RYR1: variants seen among roughly 807,000 people sequenced by gnomAD.
RYR1 encodes the protein central core disease of muscle.
Under a neutral mutation model 583.5 loss-of-function variants are expected in RYR1, and 342 were observed. That is an observed-to-expected ratio of 0.59 (90% confidence interval 0.54 to 0.64). The LOEUF is 0.64. RYR1 is among the 30% of genes least tolerant of loss of function. RYR1 has a pLI of 0.00. For synonymous variants in RYR1, 2,791 were observed against 2,822.5 expected (o/e 0.99, Z 0.35); for missense variants, 6,032 against 6,917.2 (o/e 0.87, Z 4.54).
rs1310955101 is a variant in RYR1, at chr19:38,473,722, A to T, written c.4111A>T (p.Arg1371Trp). 2.6e-6 allele frequency: 4 copies of T among 1,546,370 alleles called. No homozygotes were observed. The Admixed American group carries it at 8.0e-5, about 31-fold the overall frequency. Reference sequence around the variant, plus strand: ...GGCGGGGGGAGAGGCGCAGCCCGCCAGGGCGGAGAATGAGAAGGATGCCAC... The same window carrying T: ...GGCGGGGGGAGAGGCGCAGCCCGCCTGGGCGGAGAATGAGAAGGATGCCAC... ...PQAGGEAQPA[R>W]AENEKDATTE... Residue 1371 changes from arginine (R) to tryptophan (W), a missense_variant, in exon 28 of 106, where the codon AGG (arginine) becomes TGG (tryptophan). Physicochemically the swap from Arg to Trp is moderately radical, Grantham distance 101. This residue lies in a region of RYR1 where 2,627 missense variants were observed against 2,961.3 expected (regional missense o/e 0.89). Coordinates refer to ENST00000359596, the MANE Select transcript of RYR1 (RefSeq NM_000540.3).
intron 42 of RYR1, among the ~76,000 whole-genome samples, chr19:38,498,502 T>C (rs1046893897): frequency 5.3e-5 from 8 of 151,976 alleles, no homozygotes; most frequent in African/African-American, 1.5e-4. Context: ...GGCAACTCCA[T>C]AGAGTAAAGT....
chr19:38,455,496 C>G lies in RYR1; in HGVS notation c.1622C>G (p.Thr541Arg), dbSNP rs1600675641. 1.2e-6 allele frequency: 2 copies of G among 1,614,212 alleles called. No homozygotes were observed. The highest frequency in any genetic ancestry group is 1.7e-6 in the Non-Finnish European group (2 of 1,180,034). ...CGTAGCAACTGTGCCCTCTTCTCCA[C>G]AAACTTGGACTGGCTGGTCAGCAAG... is the stretch of plus-strand genomic sequence containing the variant. ...GNRSNCALFS[T>R]NLDWLVSKLD... Residue 541 changes from threonine to arginine, a missense_variant, in exon 15 of 106, where the codon ACA (threonine) becomes AGA (arginine). By Grantham distance (71) the Thr-to-Arg change is moderately conservative. Coordinates refer to ENST00000359596, the MANE Select transcript of RYR1 (RefSeq NM_000540.3).
intron 11 of RYR1, among the ~76,000 whole-genome samples, chr19:38,450,695 C>T (rs552136385): frequency 1.3e-5 from 2 of 152,140 alleles, no homozygotes; most frequent in Admixed American, 1.3e-4. Flanking sequence ...CTGCCTCCAC[C>T]CTAAGCTTTT....
rs535343400 is a variant in RYR1, at chr19:38,586,154, A to G, written c.14932A>G (p.Thr4978Ala). 1 of 1,613,946 alleles carries G rather than the reference A, an allele frequency of 6.2e-7. No homozygotes were observed. The highest frequency in any genetic ancestry group is 1.1e-5 in the South Asian group (1 of 91,066). ...YFDTTPHGFE[T>A]HTLEEHNLAN... The stretch of plus-strand genomic sequence containing the variant: ...TGATACGACACCGCATGGCTTCGAG[A>G]CTCACACGCTGGAGGAGCACAACCT... Residue 4978 changes from threonine to alanine, a missense_variant, in exon 104 of 106, where the codon ACT becomes GCT. Physicochemically the swap from Thr to Ala is moderately conservative, Grantham distance 58 (BLOSUM62 0). This residue lies in a region of RYR1 where 189 missense variants were observed against 350.3 expected (regional missense o/e 0.54). Transcript: ENST00000359596.
intron 66 of RYR1, among the ~76,000 whole-genome samples, chr19:38,517,992 G>T (rs1971052361): frequency 6.6e-6 from 1 of 152,086 alleles, no homozygotes; most frequent in Non-Finnish European, 1.5e-5. Flanking sequence ...GGTGGCACAT[G>T]CTTATAGTCC....
chr19:38,471,119 G>A (rs1968398323), intron 27 of RYR1, among the ~76,000 whole-genome samples: 3 of 152,262 alleles, frequency 2.0e-5, no homozygotes, highest in Admixed American at 6.5e-5. Flanking sequence ...AGGCAGAGCG[G>A]ATCTGTGGTG....
At chr19:38,503,593 C>T (rs945278798) in intron 49 of RYR1, among the ~76,000 whole-genome samples, 4 of 151,830 alleles carry the variant, frequency 2.6e-5, no homozygotes, top group Admixed American at 1.3e-4. Flanking sequence ...GCCAACATGG[C>T]GAAACCCCAT....
intron 90 of RYR1, among the ~76,000 whole-genome samples, chr19:38,562,083 A>G (rs1008507244): frequency 1.1e-4 from 17 of 151,638 alleles, no homozygotes; most frequent in African/African-American, 3.6e-4. Flanking sequence ...GAGGATGCCA[A>G]TGAGCCCTCT....
intron 58 of RYR1, 134 bp from the exon 59 acceptor site, chr19:38,510,364 C>T: frequency 1.2e-6 from 1 of 866,876 alleles, no homozygotes; most frequent in Non-Finnish European, 1.9e-6. Flanking sequence ...TATCTCAAAG[C>T]CAACACAAAT....
At chr19:38,536,807 C>CCCACCCCTCCTAACCCCGT in intron 83 of RYR1, 40 bp downstream of exon 83, 1 of 1,608,054 alleles carries the variant, frequency 6.2e-7, no homozygotes, top group African/African-American at 1.3e-5. Flanking sequence ...GCTGCTGTCA[C>CCCACCCCTCCTAACCCCGT]CCACCCCTCC....
rs535296856 is a variant in RYR1, at chr19:38,584,793, T to A, written c.14647-150T>A. 5 of 885,450 alleles carry A rather than the reference T, an allele frequency of 5.6e-6. No homozygotes were observed. The African/African-American group carries it at 6.7e-5, about 12-fold the overall frequency. 54.8% of individuals were successfully genotyped at this position (885,450 alleles called of 1,614,324 possible). A position where few individuals can be genotyped will look rare whatever the true frequency, so the allele number is the denominator to read the frequency against. ...CTGACCATTTCTGGCTGTTGGTCCC[T>A]GTCTGATGCCGTATCTGTGAGCCCT... On this transcript the variant is annotated intron_variant, in intron 101 of 105. Coordinates refer to ENST00000359596, the MANE Select transcript of RYR1 (RefSeq NM_000540.3).
intron 83 of RYR1, among the ~76,000 whole-genome samples, chr19:38,537,482 G>A (rs532942074): frequency 1.3e-5 from 2 of 152,218 alleles, no homozygotes; most frequent in African/African-American, 4.8e-5. Flanking sequence ...TTGTGTGAAG[G>A]TGACCCAAAC....
chr19:38,567,908 G>C lies in RYR1; in HGVS notation c.13650G>C (p.Val4550=), dbSNP rs201951387. The stretch of plus-strand genomic sequence containing the variant: ...GGGGAGAACTGGAGGTGCAGAGGGT[G>C]AAGTTCCTGGTAAGGATCCAGCCAG... ...EFWGELEVQR[V]KFLNYLSRNF... Residue 4550 remains valine (V), a synonymous_variant, in exon 93 of 106, where the codon GTG becomes GTC. Transcript: ENST00000359596. 6.8e-6 allele frequency: 11 copies of C among 1,613,422 alleles called. No homozygotes were observed. The Admixed American group carries it at 1.2e-4, about 17-fold the overall frequency.
At chr19:38,458,336 C>T in intron 18 of RYR1, 44 bp downstream of exon 18, 1 of 1,585,636 alleles carries the variant, frequency 6.3e-7, no homozygotes, top group East Asian at 2.2e-5. Flanking sequence ...GACCATTGAC[C>T]CCAGCATTTC....
intron 96 of RYR1, 75 bp downstream of exon 96, chr19:38,573,382 C>A: frequency 1.3e-6 from 2 of 1,559,336 alleles, no homozygotes; most frequent in South Asian, 1.2e-5. Context: ...GCCTGGACCC[C>A]AAAAAACTAG....
intron 9 of RYR1, 98 bp from the exon 10 acceptor site, chr19:38,448,257 C>T (rs1280758567): frequency 1.3e-5 from 18 of 1,370,128 alleles, no homozygotes; most frequent in Non-Finnish European, 1.8e-5. Flanking sequence ...CATAGCAAGA[C>T]CTGGTTTCTG....
intron 17 of RYR1, among the ~76,000 whole-genome samples, 188 bp from the exon 18 acceptor site, chr19:38,457,861 CCT>C (rs1358003909): frequency 1.3e-5 from 2 of 151,872 alleles, no homozygotes; most frequent in Admixed American, 6.6e-5. Flanking sequence ...TCTCCCTCTC[CCT>C]CTCTCTCTGT....
intron 99 of RYR1, among the ~76,000 whole-genome samples, chr19:38,579,588 C>T (rs1247854717): frequency 7.1e-6 from 1 of 140,822 alleles, no homozygotes; most frequent in Non-Finnish European, 1.5e-5. Context: ...GAAACTCCAT[C>T]TCAAAAAAAA....
intron 102 of RYR1, 105 bp downstream of exon 102, chr19:38,585,204 C>T (rs2145914134): frequency 1.5e-6 from 2 of 1,365,918 alleles, no homozygotes; most frequent in East Asian, 5.0e-5. Flanking sequence ...CCATCTCTAC[C>T]TCTCGCTACT....
Sources: gnomAD v4.1 joint callset for allele counts (sites outside exome capture counted in the v4.1 genomes callset) on GRCh38, gnomAD v4.1.1 for gene constraint, gnomAD v4.1.1 regional missense constraint, MANE v1.5 for transcripts, NCBI Gene and HGNC (gene_info 2026-07-23, HGNC 2026-07-21) for gene names.